The following TAF4 variants were observed in gnomAD, a reference collection of about 807,000 sequenced individuals.
The protein encoded by TAF4 is TATA-box binding protein associated factor 4.
A neutral mutation model predicts 90.3 loss-of-function variants in TAF4; 9 were observed. The observed-to-expected ratio is 0.10, with a 90% CI of 0.06 to 0.17. The LOEUF (loss-of-function observed/expected upper bound fraction) is 0.17, where lower values mean the gene tolerates loss of function less well. Among genes scored for constraint, TAF4 ranks in the 10% least tolerant of loss-of-function variants. The probability of loss-of-function intolerance (pLI) is 1.00; values close to 1 mark genes in which losing one functional copy is unlikely to be tolerated. For synonymous variants in TAF4, 818 were observed against 638.9 expected, an observed-to-expected ratio of 1.28 and a Z score of -4.23; for missense variants, 1,351 against 1,370.7, an observed-to-expected ratio of 0.99 and a Z score of 0.23.
chr20:62,049,123 C>A (rs1405132908), intron 1 of TAF4, among the ~76,000 whole-genome samples: 1 of 151,914 alleles, frequency 6.6e-6, no homozygotes, highest in Non-Finnish European at 1.5e-5. Context: ...TGTGCCTCCA[C>A]TGGCACCACC....
At chr20:62,020,658 C>T (rs951651327) in intron 1 of TAF4, among the ~76,000 whole-genome samples, 1 of 152,140 alleles carries the variant, frequency 6.6e-6, no homozygotes, top group Non-Finnish European at 1.5e-5. Flanking sequence ...TGAGGAAGGC[C>T]CAGCATCAAC....
At chr20:62,045,982 G>A (rs1394409248) in intron 1 of TAF4, among the ~76,000 whole-genome samples, 1 of 152,190 alleles carries the variant, frequency 6.6e-6, no homozygotes, top group Non-Finnish European at 1.5e-5. Context: ...CTAAAGAAAT[G>A]CAAAGTTCCA....
chr20:62,051,156 C>A (rs2056025014), intron 1 of TAF4, among the ~76,000 whole-genome samples: 1 of 152,142 alleles, frequency 6.6e-6, no homozygotes, highest in Non-Finnish European at 1.5e-5. Context: ...AGGGCAGCCC[C>A]GCAGGCGCTG....
intron 1 of TAF4, among the ~76,000 whole-genome samples, chr20:62,061,027 C>A (rs1447412915): frequency 6.6e-6 from 1 of 152,270 alleles, no homozygotes. Flanking sequence ...CACTTTACAG[C>A]TGGGTAAGCC....
In TAF4 at chr20:61,992,004, G is replaced by A. The variant is rs139975423; in HGVS notation, c.3090+5546C>T. ...TAAGACACTTCAGTAAATACAACGT[G>A]AGCCAAAAAACAGACCTTCAGGTAC... On this transcript the variant is annotated intron_variant, in intron 14 of 14. Transcript: ENST00000252996. 8.6e-3 allele frequency among the ~76,000 whole-genome samples: 1,311 copies of A among 152,234 alleles called. 10 individuals are homozygous for A. Among genetic ancestry groups the A allele is most frequent in the Non-Finnish European group, 0.013 (868 of 68,010 alleles).
intron 1 of TAF4, among the ~76,000 whole-genome samples, chr20:62,033,998 C>T (rs1330157983): frequency 6.7e-5 from 10 of 149,310 alleles, no homozygotes; most frequent in East Asian, 2.0e-4. Context: ...GCCAAGACCG[C>T]GCCACTGCAC....
intron 14 of TAF4, among the ~76,000 whole-genome samples, chr20:61,981,609 C>A (rs1397379435): frequency 6.6e-6 from 1 of 151,998 alleles, no homozygotes. Flanking sequence ...AGGCAGGAAG[C>A]CAAGAGGACA....
chr20:61,991,175 T>C (rs1335429749), intron 14 of TAF4, among the ~76,000 whole-genome samples: 1 of 151,042 alleles, frequency 6.6e-6, no homozygotes, highest in Non-Finnish European at 1.5e-5. Context: ...TCCCAGCACT[T>C]TGGGAGGCTG....
In TAF4 at chr20:62,035,100, G is replaced by A. The variant is rs147963048; in HGVS notation, c.1361-20393C>T. On this transcript the variant is annotated intron_variant, in intron 1 of 14. Transcript: ENST00000252996. The stretch of plus-strand genomic sequence containing the variant: ...CTCCCAAAGTGCTAGGATTACAGGC[G>A]TGAGCCACCGCACCCGGCCCATAGA... Among the ~76,000 whole-genome samples, 1,439 of 152,196 alleles carry A rather than the reference G, an allele frequency of 9.5e-3. 8 individuals carry two copies. The highest frequency in any genetic ancestry group is 0.038 in the South Asian group (184 of 4,822).
In TAF4 at chr20:62,064,950, G is replaced by A; in HGVS notation, c.861C>T (p.Pro287=). 1 of 504,312 alleles carries A rather than the reference G, an allele frequency of 2.0e-6. No homozygotes were observed. The highest frequency in any genetic ancestry group is 2.5e-6 in the Non-Finnish European group (1 of 398,270). 31.2% of individuals were successfully genotyped at this position (504,312 alleles called of 1,614,324 possible). ...CGGGCGCGGCGGTCGGGGGTCCGGCGGGGTGGCCGGGCGGCCGGGCCAGAG... is the reference window on the plus strand; with the variant it reads ...CGGGCGCGGCGGTCGGGGGTCCGGCAGGGTGGCCGGGCGGCCGGGCCAGAG... ...PATLARPPGH[P]AGPPTAAPAV... is the part of the protein sequence containing the mutation. Residue 287 remains proline (P), a synonymous_variant, in exon 1 of 15, where the codon CCC becomes CCT. Coordinates refer to ENST00000252996, the MANE Select transcript of TAF4 (RefSeq NM_003185.4).
intron 1 of TAF4, among the ~76,000 whole-genome samples, chr20:62,061,862 A>C (rs181252653): frequency 1.3e-5 from 2 of 152,380 alleles, no homozygotes; most frequent in African/African-American, 4.8e-5. Flanking sequence ...CACTGTCCTG[A>C]CAAAGAATAT....
At chr20:62,023,973 G>A (rs1179707175) in intron 1 of TAF4, among the ~76,000 whole-genome samples, 1 of 151,826 alleles carries the variant, frequency 6.6e-6, no homozygotes, top group Non-Finnish European at 1.5e-5. Flanking sequence ...AGCTACTCAG[G>A]AGGCTGAGGT....
rs1361639691 is a variant in TAF4 at position 62,065,369 on chromosome 20, CGGCGACGGCGGCGGCGGCGGGCACCGG to C, written c.415_441del (p.Pro139_Ala147del). 3.3e-5 allele frequency: 32 copies of C among 966,298 alleles called. No individual in the cohort carries two copies. The African/African-American group carries it at 5.2e-4, about 16-fold the overall frequency. 59.9% of individuals were successfully genotyped at this position (966,298 alleles called of 1,614,324 possible). A position where few individuals can be genotyped will look rare whatever the true frequency, so the allele number is the denominator to read the frequency against. On this transcript the variant is annotated inframe_deletion, in exon 1 of 15. Transcript: ENST00000252996. ...CCGGCGGGGGCGGGCTCGGGCCCCGCGGCGACGGCGGCGGCGGCGGGCACCGGGGCGCAGGACCCCGCGCTGCCCTCG... is the reference window on the plus strand; with the variant it reads ...CCGGCGGGGGCGGGCTCGGGCCCCGCGGCGCAGGACCCCGCGCTGCCCTCG...
intron 1 of TAF4, among the ~76,000 whole-genome samples, chr20:62,063,113 C>G (rs1170782749): frequency 6.6e-6 from 1 of 152,200 alleles, no homozygotes. Flanking sequence ...TAAAGGGCGT[C>G]TCAGCAACCC....
chr20:62,007,444 C>A (rs2055753328), intron 6 of TAF4, 103 bp downstream of exon 6: 1 of 1,103,102 alleles, frequency 9.1e-7, no homozygotes. Flanking sequence ...AAGCGCTGTG[C>A]ACCCTCCGTG....
rs1362231432 is a variant in TAF4 at position 62,065,858 on chromosome 20, C to G, written c.-48G>C. 7 of 1,205,616 alleles carry G rather than the reference C, an allele frequency of 5.8e-6. No individual in the cohort carries two copies. Among genetic ancestry groups the G allele is most frequent in the Non-Finnish European group, 5.3e-6 (5 of 948,678 alleles). 74.7% of individuals were successfully genotyped at this position (1,205,616 alleles called of 1,614,324 possible). A position where few individuals can be genotyped will look rare whatever the true frequency, so the allele number is the denominator to read the frequency against. ...CCGCCGCCGCTCGGGCCGAGCGCGCCTGGGCGAGGAGGAGGTTCCGACTGG... is the reference window on the plus strand; with the variant it reads ...CCGCCGCCGCTCGGGCCGAGCGCGCGTGGGCGAGGAGGAGGTTCCGACTGG... On this transcript the variant is annotated 5_prime_UTR_variant, in exon 1 of 15. Transcript: ENST00000252996.
At chr20:62,007,333 C>G (rs983492141) in intron 6 of TAF4, among the ~76,000 whole-genome samples, 4 of 152,340 alleles carry the variant, frequency 2.6e-5, no homozygotes, top group Admixed American at 2.0e-4. Flanking sequence ...CACGACAGAA[C>G]CACAAGGCCA....
At chr20:61,987,492 C>A (rs867751284) in intron 14 of TAF4, among the ~76,000 whole-genome samples, 29 of 152,202 alleles carry the variant, frequency 1.9e-4, no homozygotes, top group Non-Finnish European at 3.8e-4. Context: ...TGCTCCGCAT[C>A]CTCCGTCACC....
At chr20:62,033,985 T>G (rs2055918579) in intron 1 of TAF4, among the ~76,000 whole-genome samples, 1 of 149,594 alleles carries the variant, frequency 6.7e-6, no homozygotes, top group Non-Finnish European at 1.5e-5. Flanking sequence ...GAGCTTGCAG[T>G]GAGCCAAGAC....
Sources: gnomAD v4.1 joint callset for allele counts (sites outside exome capture counted in the v4.1 genomes callset) on GRCh38, gnomAD v4.1.1 for gene constraint, MANE v1.5 for transcripts, NCBI Gene and HGNC (gene_info 2026-07-23, HGNC 2026-07-21) for gene names.